The following UNC13C variants were observed in gnomAD, a reference collection of about 807,000 sequenced individuals.
UNC13C encodes unc-13 homolog C, also known as protein unc-13 homolog C.
In UNC13C, 174 loss-of-function variants were observed where a neutral mutation model predicts 245.4. That is an observed-to-expected ratio of 0.71 (90% confidence interval 0.63 to 0.80). The LOEUF is 0.80. Ranked by LOEUF, UNC13C falls within the 30% of genes least tolerant of loss-of-function variation. The probability of loss-of-function intolerance (pLI) is 0.00; values close to 1 mark genes in which losing one functional copy is unlikely to be tolerated. For synonymous variants in UNC13C, 992 were observed against 895.1 expected (o/e 1.11, Z -1.93); for missense variants, 2,829 against 2,602.9 (o/e 1.09, Z -1.89).
the UNC13C span, among the ~76,000 whole-genome samples, chr15:53,900,645 C>T: frequency 1.8e-3 from 274 of 152,174 alleles, 1 homozygote; most frequent in Non-Finnish European, 2.9e-3. Context: ...AAATAGAGGC[C>T]CAGTGTTCAT....
At chr15:54,194,462 T>C (rs972930312) in intron 4 of UNC13C, among the ~76,000 whole-genome samples, 16 of 152,280 alleles carry the variant, frequency 1.1e-4, no homozygotes, top group African/African-American at 2.4e-4. Flanking sequence ...AGTCATAAAA[T>C]ATTTAAATAT....
In UNC13C at chr15:54,023,448, A is replaced by G. The variant is rs192663890; in HGVS notation, c.2983+7562A>G. On this transcript the variant is annotated intron_variant, in intron 2 of 32. Coordinates refer to ENST00000260323, the MANE Select transcript of UNC13C (RefSeq NM_001080534.3). Reference sequence around the variant, plus strand: ...GCTCTCTTAATAAAAGGTGAGTGATAATAGTTTGTGCTAAGAGATAGTATC... The same window carrying G: ...GCTCTCTTAATAAAAGGTGAGTGATGATAGTTTGTGCTAAGAGATAGTATC... 1.5e-3 allele frequency among the ~76,000 whole-genome samples: 229 copies of G among 151,904 alleles called. 3 individuals carry two copies. Among genetic ancestry groups the G allele is most frequent in the African/African-American group, 5.3e-3 (220 of 41,510 alleles).
At chr15:54,037,303 A>G (rs1407598625) in intron 2 of UNC13C, among the ~76,000 whole-genome samples, 1 of 152,200 alleles carries the variant, frequency 6.6e-6, no homozygotes, top group Non-Finnish European at 1.5e-5. Context: ...AGTCAGAAAG[A>G]TACAGTTTTT....
chr15:54,394,005 T>A (rs1173293082), intron 18 of UNC13C, among the ~76,000 whole-genome samples: 1 of 151,852 alleles, frequency 6.6e-6, no homozygotes, highest in African/African-American at 2.4e-5. Context: ...AGACCTGAAA[T>A]GTTATGGGTA....
intron 4 of UNC13C, among the ~76,000 whole-genome samples, chr15:54,214,402 T>C (rs920221786): frequency 6.6e-6 from 1 of 151,982 alleles, no homozygotes; most frequent in Admixed American, 6.6e-5. Context: ...GTCTGAGTTA[T>C]GTTTTTCGTT....
At chr15:54,410,349 T>C (rs1365901507) in intron 18 of UNC13C, among the ~76,000 whole-genome samples, 1 of 152,204 alleles carries the variant, frequency 6.6e-6, no homozygotes. Context: ...ATAGTTTCTT[T>C]TGCTGTGCAG....
intron 2 of UNC13C, among the ~76,000 whole-genome samples, chr15:54,089,377 G>A (rs1314005986): frequency 6.6e-6 from 1 of 152,148 alleles, no homozygotes; most frequent in Non-Finnish European, 1.5e-5. Context: ...GACTTAATCG[G>A]GGTTTCCTGG....
chr15:54,381,289 T>C lies in UNC13C; in HGVS notation c.4714-11759T>C, dbSNP rs546103228. Among the ~76,000 whole-genome samples the C allele has an allele frequency of 2.4e-4, 37 of 152,340 alleles. 1 individual carries two copies. In the South Asian group the frequency reaches 7.2e-3, roughly 30 times the overall value. ...CTAGGATTTATTTTTCAGCTCTCTATTCTGTTGCATTGATCTGTGTGTCTG... is the reference window on the plus strand; with the variant it reads ...CTAGGATTTATTTTTCAGCTCTCTACTCTGTTGCATTGATCTGTGTGTCTG... On this transcript the variant is annotated intron_variant, in intron 17 of 32. Transcript: ENST00000260323.
At chr15:54,023,818 T>A (rs544429258) in intron 2 of UNC13C, among the ~76,000 whole-genome samples, 1 of 152,320 alleles carries the variant, frequency 6.6e-6, no homozygotes, top group East Asian at 1.9e-4. Flanking sequence ...GTACTAGGAA[T>A]GTTGTTGCAA....
chr15:54,005,587 T>C (rs968664287), intron 1 of UNC13C, among the ~76,000 whole-genome samples: 8 of 152,232 alleles, frequency 5.3e-5, no homozygotes, highest in Non-Finnish European at 1.0e-4. Context: ...ATGTAAGAGC[T>C]GTTTGGTAAA....
chr15:53,895,398 CT>C, the UNC13C span, among the ~76,000 whole-genome samples: 1 of 144,884 alleles, frequency 6.9e-6, no homozygotes, highest in South Asian at 2.2e-4. Flanking sequence ...ATGTAATGGT[CT>C]TTGTCTTTTG....
chr15:54,059,486 C>T (rs577200902), intron 2 of UNC13C, among the ~76,000 whole-genome samples: 1 of 152,074 alleles, frequency 6.6e-6, no homozygotes, highest in Non-Finnish European at 1.5e-5. Context: ...AATGGAAGAA[C>T]ATTCCATGCT....
At chr15:54,560,575 G>A (rs1400439637) in intron 29 of UNC13C, among the ~76,000 whole-genome samples, 3 of 151,678 alleles carry the variant, frequency 2.0e-5, no homozygotes, top group Non-Finnish European at 2.9e-5. Flanking sequence ...TCCTACCCCC[G>A]CGGTGATAAT....
At chr15:54,183,823 GTC>G (rs2033880458) in intron 4 of UNC13C, among the ~76,000 whole-genome samples, 1 of 150,512 alleles carries the variant, frequency 6.6e-6, no homozygotes, top group Non-Finnish European at 1.5e-5. Flanking sequence ...ATAAGGCTAA[GTC>G]TCAAACTGAG....
chr15:54,504,582 A>G (rs1383044614), intron 22 of UNC13C, among the ~76,000 whole-genome samples: 1 of 152,192 alleles, frequency 6.6e-6, no homozygotes. Flanking sequence ...TTTTACCCTT[A>G]AGGTCAAACC....
At chr15:53,974,900 T>C (rs1214356078), upstream of UNC13C, 2 of 152,230 alleles carry the variant, frequency 1.3e-5, no homozygotes, top group African/African-American at 4.8e-5. Flanking sequence ...AGCTTGAACA[T>C]GGTTAGAGGG....
chr15:54,458,544 ATAAT>A (rs1337658952), intron 19 of UNC13C, among the ~76,000 whole-genome samples: 2 of 151,972 alleles, frequency 1.3e-5, no homozygotes, highest in African/African-American at 4.8e-5. Flanking sequence ...AGATATAGTA[ATAAT>A]TGTCTTATAA....
intron 10 of UNC13C, among the ~76,000 whole-genome samples, chr15:54,282,059 C>T (rs538928126): frequency 6.6e-6 from 1 of 152,034 alleles, no homozygotes; most frequent in African/African-American, 2.4e-5. Context: ...TGTCTCTTCT[C>T]CAGTTGGTAG....
At chr15:54,153,282 A>G (rs2032605110) in intron 4 of UNC13C, among the ~76,000 whole-genome samples, 1 of 151,872 alleles carries the variant, frequency 6.6e-6, no homozygotes, top group Non-Finnish European at 1.5e-5. Context: ...AACACTTTAG[A>G]TGTCATTTAA....
Sources: allele counts gnomAD v4.1 joint callset (sites outside exome capture counted in the v4.1 genomes callset), GRCh38; gene constraint gnomAD v4.1.1; transcripts MANE v1.5; gene names NCBI Gene and HGNC (gene_info 2026-07-23, HGNC 2026-07-21).